The following TBR1 variants were observed in gnomAD, a reference collection of about 807,000 sequenced individuals.
TBR1 encodes T-box brain transcription factor 1.
Under a neutral mutation model 60.3 loss-of-function variants are expected in TBR1, and 7 were observed. That is an observed-to-expected ratio of 0.12 (90% CI 0.07 to 0.22). TBR1 has a LOEUF of 0.22. TBR1 is among the 10% of genes least tolerant of loss of function. The pLI is 1.00. For synonymous variants in TBR1, 417 were observed against 409.9 expected (o/e 1.02, Z -0.21); for missense variants, 616 against 936.8 (o/e 0.66, Z 4.47).
Position 161,424,300 on chromosome 2 carries a change from G to T in TBR1, c.*73G>T. 1 of 1,430,256 alleles carries T rather than the reference G, an allele frequency of 7.0e-7. No homozygotes were observed. Among genetic ancestry groups the T allele is most frequent in the Non-Finnish European group, 9.4e-7 (1 of 1,068,236 alleles). 88.6% of individuals were successfully genotyped at this position (1,430,256 alleles called of 1,614,324 possible). On this transcript the variant is annotated 3_prime_UTR_variant, in exon 6 of 6. Transcript: ENST00000389554. The surrounding 1 kb of genome is among the most constrained non-coding windows in gnomAD (Gnocchi z 4.4). ...CCCCTCACAGCTCTTCCCCAGCTCC[G>T]CCTCCCCACACTCCTCCTTGCGCAC...
chr2:161,425,636 A>G lies in TBR1; in HGVS notation c.*1409A>G, dbSNP rs541388402. 6.6e-6 allele frequency: 1 copy of G among 152,360 alleles called. No individual in the cohort carries two copies. Among genetic ancestry groups the G allele is most frequent in the Non-Finnish European group, 1.5e-5 (1 of 68,040 alleles). The allele number at this position is 152,360 out of a possible 1,614,324, so 9.4% of individuals were successfully genotyped here. A position where few individuals can be genotyped will look rare whatever the true frequency, so the allele number is the denominator to read the frequency against. On this transcript the variant is annotated 3_prime_UTR_variant, in exon 6 of 6. Transcript: ENST00000389554. The stretch of plus-strand genomic sequence containing the variant: ...ATGTGAAATATGCATCATACACAAT[A>G]TTCAATCTAGATTCCAGTCCATGGG...
At position 161,417,542 on chromosome 2, in the gene TBR1, C is replaced by A; in HGVS notation, c.693-134C>A. ...CTTCTCCCACCACCCTTTTTCTAATCCAGCAAATATTCGCCTATTTGCTGC... is the reference window on the plus strand; with the variant it reads ...CTTCTCCCACCACCCTTTTTCTAATACAGCAAATATTCGCCTATTTGCTGC... On this transcript the variant is annotated intron_variant, in intron 1 of 5. Coordinates refer to ENST00000389554, the MANE Select transcript of TBR1 (RefSeq NM_006593.4). This position sits in a 1 kb window ranked among gnomAD's most constrained non-coding sequence, Gnocchi z 5.3. The A allele has an allele frequency of 8.6e-7, 1 of 1,167,964 alleles. No individual in the cohort carries two copies. Among genetic ancestry groups the A allele is most frequent in the Non-Finnish European group, 1.2e-6 (1 of 827,164 alleles). 72.4% of individuals were successfully genotyped at this position (1,167,964 alleles called of 1,614,324 possible). A position where few individuals can be genotyped will look rare whatever the true frequency, so the allele number is the denominator to read the frequency against.
chr2:161,419,130 G>A (rs985515529), intron 4 of TBR1, 80 bp downstream of exon 4: 2 of 1,602,332 alleles, frequency 1.2e-6, no homozygotes, highest in African/African-American at 1.3e-5. Flanking sequence ...CGCCATGCAA[G>A]GCTAGGGTAC....
In TBR1 at chr2:161,423,840, C is replaced by T; in HGVS notation, c.1662C>T (p.Cys554=). Reference sequence around the variant, plus strand: ...GCGCCCGCAGTCCCCCGCAGTACTGCGGCACCAAGTCGGGCTCGGTGCTGC... The same window carrying T: ...GCGCCCGCAGTCCCCCGCAGTACTGTGGCACCAAGTCGGGCTCGGTGCTGC... The part of the protein sequence containing the change: ...GWGARSPPQY[C]GTKSGSVLPC... Residue 554 remains cysteine (C), a synonymous_variant, in exon 6 of 6, where the codon TGC becomes TGT. Transcript: ENST00000389554. The T allele has an allele frequency of 2.0e-6, 3 of 1,465,564 alleles. No individual in the cohort carries two copies. Among genetic ancestry groups the T allele is most frequent in the Non-Finnish European group, 2.7e-6 (3 of 1,111,630 alleles). 90.8% of individuals were successfully genotyped at this position (1,465,564 alleles called of 1,614,324 possible). A position where few individuals can be genotyped will look rare whatever the true frequency, so the allele number is the denominator to read the frequency against.
At chr2:161,418,158 G>T in intron 2 of TBR1, 43 bp from the exon 3 acceptor site, 2 of 1,585,118 alleles carry the variant, frequency 1.3e-6, no homozygotes, top group South Asian at 2.4e-5. Flanking sequence ...CTGGGACTGG[G>T]CAGTGCCAGG....
Position 161,424,871 on chromosome 2 carries a change from C to T in TBR1, c.*644C>T, listed in dbSNP as rs977307479. ...TCCTTTCCTTTCTTTGCTTTTCTTT[C>T]TCTCCTCTCATACTTTCTCTTCTCT... On this transcript the variant is annotated 3_prime_UTR_variant, in exon 6 of 6. Transcript: ENST00000389554. This position sits in a 1 kb window ranked among gnomAD's most constrained non-coding sequence, Gnocchi z 4.4. 6.6e-6 allele frequency: 1 copy of T among 152,616 alleles called. No individual in the cohort carries two copies. Among genetic ancestry groups the T allele is most frequent in the South Asian group, 2.1e-4 (1 of 4,830 alleles). The allele number at this position is 152,616 out of a possible 1,614,324, so 9.5% of individuals were successfully genotyped here.
In TBR1 at chr2:161,424,103, C is replaced by A. The variant is rs776961878; in HGVS notation, c.1925C>A (p.Pro642Gln). 1 of 1,611,996 alleles carries A rather than the reference C, an allele frequency of 6.2e-7. No homozygotes were observed. Among genetic ancestry groups the A allele is most frequent in the Non-Finnish European group, 8.5e-7 (1 of 1,179,404 alleles). Residue 642 changes from proline (P) to glutamine (Q), a missense_variant, in exon 6 of 6, where the codon CCG becomes CAG. Coordinates refer to ENST00000389554, the MANE Select transcript of TBR1 (RefSeq NM_006593.4). This position sits in a 1 kb window ranked among gnomAD's most constrained non-coding sequence, Gnocchi z 4.4. ...CAGGCCAAGCGGAGGCGGATCTCGC[C>A]GGCCGACACGCCCGTGTCCGAGAGT... is the stretch of plus-strand genomic sequence containing the variant. ...YEQAKRRRIS[P>Q]ADTPVSESSS...
Position 161,423,465 on chromosome 2 carries a change from C to T in TBR1, c.1287C>T (p.Gly429=). 1 of 1,607,286 alleles carries T rather than the reference C, an allele frequency of 6.2e-7. No homozygotes were observed. Among genetic ancestry groups the T allele is most frequent in the African/African-American group, 1.3e-5 (1 of 74,548 alleles). ...IVPGARYAMA[G]SFLQDQFVSN... is the part of the protein sequence containing the mutation. ...CCGGGGCCCGCTACGCCATGGCCGG[C>T]TCTTTCCTGCAGGACCAGTTCGTGA... Residue 429 remains glycine (G), a synonymous_variant, in exon 6 of 6, where the codon GGC becomes GGT. Coordinates refer to ENST00000389554, the MANE Select transcript of TBR1 (RefSeq NM_006593.4).
chr2:161,418,098 G>A (rs1221270506), intron 2 of TBR1, 103 bp from the exon 3 acceptor site: 2 of 342,652 alleles, frequency 5.8e-6, no homozygotes, highest in South Asian at 6.3e-5. Context: ...GTGTGTGTAT[G>A]TGTGTGTGTG....
chr2:161,423,973 G>A lies in TBR1; in HGVS notation c.1795G>A (p.Gly599Ser). The change falls in exon 6 of 6, where the codon GGC (glycine) becomes AGC (serine). Residue 599 changes from glycine (G) to serine (S), a missense_variant. Physicochemically the swap from Gly to Ser is moderately conservative, Grantham distance 56 (BLOSUM62 0). Coordinates refer to ENST00000389554, the MANE Select transcript of TBR1 (RefSeq NM_006593.4). ...LAAERSPLPP[G>S]AAEDAKPKDL... ...CGCCGAGCGCTCGCCGCTGCCGCCC[G>A]GCGCCGCCGAGGACGCCAAGCCCAA... 3.9e-6 allele frequency: 6 copies of A among 1,549,844 alleles called. No individual in the cohort carries two copies. Among genetic ancestry groups the A allele is most frequent in the Non-Finnish European group, 5.2e-6 (6 of 1,146,646 alleles).
At chr2:161,418,771 C>T in intron 3 of TBR1, 121 bp from the exon 4 acceptor site, 3 of 1,374,446 alleles carry the variant, frequency 2.2e-6, no homozygotes, top group Non-Finnish European at 1.9e-6. Flanking sequence ...GTCAGTTAGC[C>T]TGGAAGGCGG....
chr2:161,417,887 T>C lies in TBR1; in HGVS notation c.847+57T>C, dbSNP rs540785991. ...CACTTATTTAGGTGAGAATGATTAA[T>C]TAAAGCCTTTGTGGACTGGCTCGAG... On this transcript the variant is annotated intron_variant, in intron 2 of 5. Coordinates refer to ENST00000389554, the MANE Select transcript of TBR1 (RefSeq NM_006593.4). The surrounding 1 kb of genome is among the most constrained non-coding windows in gnomAD (Gnocchi z 5.3). 5.3e-5 allele frequency: 84 copies of C among 1,585,216 alleles called. 2 individuals are homozygous for C. The South Asian group carries it at 8.8e-4, about 17-fold the overall frequency.
chr2:161,424,324 A>G lies in TBR1; in HGVS notation c.*97A>G, dbSNP rs1005303315. Reference sequence around the variant, plus strand: ...CGCCTCCCCACACTCCTCCTTGCGCACCCACTCATTTTATTTGACCCTCGA... The same window carrying G: ...CGCCTCCCCACACTCCTCCTTGCGCGCCCACTCATTTTATTTGACCCTCGA... On this transcript the variant is annotated 3_prime_UTR_variant, in exon 6 of 6. Coordinates refer to ENST00000389554, the MANE Select transcript of TBR1 (RefSeq NM_006593.4). The surrounding 1 kb of genome is among the most constrained non-coding windows in gnomAD (Gnocchi z 4.4). The G allele has an allele frequency of 1.5e-6, 2 of 1,321,252 alleles. No individual in the cohort carries two copies. Among genetic ancestry groups the G allele is most frequent in the African/African-American group, 3.0e-5 (2 of 66,518 alleles). The allele number at this position is 1,321,252 out of a possible 1,614,324, so 81.8% of individuals were successfully genotyped here.
In TBR1 at chr2:161,425,563, T is replaced by G. The variant is rs1223780061; in HGVS notation, c.*1336T>G. ...TCCCCCTGGAAATAGATTAGTAGGA[T>G]TTCTAATGTTGTGTAGCAAACCTAT... is the stretch of plus-strand genomic sequence containing the variant. On this transcript the variant is annotated 3_prime_UTR_variant, in exon 6 of 6. Coordinates refer to ENST00000389554, the MANE Select transcript of TBR1 (RefSeq NM_006593.4). 1 of 152,210 alleles carries G rather than the reference T, an allele frequency of 6.6e-6. No individual in the cohort carries two copies. The highest frequency in any genetic ancestry group is 1.5e-5 in the Non-Finnish European group (1 of 68,028). The allele number at this position is 152,210 out of a possible 1,614,324, so 9.4% of individuals were successfully genotyped here.
rs1574150427 is a variant in TBR1, at chr2:161,419,306, T to TA, written c.1128+259dup. The TA allele has an allele frequency of 6.6e-6, 3 of 454,466 alleles. No individual in the cohort carries two copies. In the East Asian group the frequency reaches 1.3e-4, roughly 20 times the overall value. 28.2% of individuals were successfully genotyped at this position (454,466 alleles called of 1,614,324 possible). A position where few individuals can be genotyped will look rare whatever the true frequency, so the allele number is the denominator to read the frequency against. Reference sequence around the variant, plus strand: ...CCACCTTTGAGGTGGCCAGGATTTCTAAAGACTCTTCTTTTGGGAGTTTTA... The same window carrying TA: ...CCACCTTTGAGGTGGCCAGGATTTCTAAAAGACTCTTCTTTTGGGAGTTTTA... On this transcript the variant is annotated intron_variant, in intron 4 of 5. Transcript: ENST00000389554.
rs750974575 is a variant in TBR1 at position 161,417,657 on chromosome 2, C to A, written c.693-19C>A. On this transcript the variant is annotated intron_variant, in intron 1 of 5. Coordinates refer to ENST00000389554, the MANE Select transcript of TBR1 (RefSeq NM_006593.4). This position sits in a 1 kb window ranked among gnomAD's most constrained non-coding sequence, Gnocchi z 5.3. ...TTCTTTTTTCCTTGTTTTCTCCCCC[C>A]ACCCCTTAATTTAAATAGGCGCATG... The A allele has an allele frequency of 1.5e-5, 24 of 1,606,406 alleles. No individual in the cohort carries two copies. The highest frequency in any genetic ancestry group is 1.5e-4 in the South Asian group (13 of 89,332).
chr2:161,421,508 C>G (rs1365367849), intron 5 of TBR1: 2 of 152,240 alleles, frequency 1.3e-5, no homozygotes, highest in Non-Finnish European at 2.9e-5. Flanking sequence ...AAGTATATGG[C>G]TCAAGAGACT....
At chr2:161,419,465 C>G (rs1230300052) in intron 4 of TBR1, 1 of 180,368 alleles carries the variant, frequency 5.5e-6, no homozygotes, top group Non-Finnish European at 1.1e-5. Flanking sequence ...ATTTCTCTCT[C>G]TCTCTCTTTT....
Position 161,420,264 on chromosome 2 carries a change from A to C in TBR1, c.1190+7A>C. On this transcript the variant is annotated splice_region_variant and intron_variant, in intron 5 of 5. Transcript: ENST00000389554. ...TTCGGGATAATTATGACACGTAAGT[A>C]ACTTTGTATCTTCCTTTTCAAATAG... 1 of 1,611,106 alleles carries C rather than the reference A, an allele frequency of 6.2e-7. No homozygotes were observed. Among genetic ancestry groups the C allele is most frequent in the South Asian group, 1.1e-5 (1 of 90,872 alleles).
Sources: allele counts gnomAD v4.1 joint callset, GRCh38; gene constraint gnomAD v4.1.1; non-coding constraint Gnocchi (gnomAD v3.1); transcripts MANE v1.5; gene names NCBI Gene and HGNC (gene_info 2026-07-23, HGNC 2026-07-21).